Variants in PCDH9 observed in about 807,000 individuals in gnomAD.
PCDH9 encodes the protein protocadherin-9.
A neutral mutation model predicts 70.6 loss-of-function variants in PCDH9; 24 were observed. The ratio of observed to expected loss-of-function variants is 0.34; its 90% CI spans 0.25 to 0.48. The LOEUF is 0.48. Among genes scored for constraint, PCDH9 ranks in the 20% least tolerant of loss-of-function variants. The pLI is 0.99. For synonymous variants in PCDH9, 562 were observed against 558.5 expected, an observed-to-expected ratio of 1.01 and a Z score of -0.09; for missense variants, 1,281 against 1,503.6, an observed-to-expected ratio of 0.85 and a Z score of 2.45.
intron 2 of PCDH9, among the ~76,000 whole-genome samples, chr13:66,959,713 T>C (rs1030742910): frequency 6.7e-6 from 1 of 148,468 alleles, no homozygotes. Context: ...ATTGCATCAC[T>C]GCACTCCACC....
chr13:66,662,482 A>C (rs1459811559), intron 3 of PCDH9, among the ~76,000 whole-genome samples: 1 of 152,178 alleles, frequency 6.6e-6, no homozygotes, highest in Non-Finnish European at 1.5e-5. Context: ...TCAAAAAAAA[A>C]AAGAATGTCA....
intron 4 of PCDH9, among the ~76,000 whole-genome samples, chr13:66,456,158 A>G (rs1016900455): frequency 2.6e-5 from 4 of 152,188 alleles, no homozygotes; most frequent in African/African-American, 9.6e-5. Context: ...GCATTAGAAA[A>G]CAAAAGTTAA....
intron 3 of PCDH9, among the ~76,000 whole-genome samples, chr13:66,865,975 T>G (rs1048427034): frequency 7.2e-5 from 11 of 152,246 alleles, no homozygotes; most frequent in African/African-American, 2.7e-4. Context: ...ATTTTCATTT[T>G]TATTAAACTT....
intron 2 of PCDH9, 113 bp downstream of exon 2, chr13:67,225,291 CT>C (rs2089827813): frequency 1.5e-6 from 2 of 1,303,236 alleles, no homozygotes; most frequent in Non-Finnish European, 2.1e-6. Context: ...TTTTTTTTAC[CT>C]CTTTCTAACT....
rs759420554 is a variant in PCDH9, at chr13:67,226,525, C to T, written c.1916G>A (p.Ser639Asn). 2.5e-6 allele frequency: 4 copies of T among 1,614,100 alleles called. No homozygotes were observed. The highest frequency in any genetic ancestry group is 4.5e-5 in the East Asian group (2 of 44,876). The change falls in exon 2 of 5, where the codon AGT becomes AAT. Residue 639 changes from serine (S) to asparagine (N), a missense_variant. Physicochemically the swap from Ser to Asn is conservative, Grantham distance 46 (BLOSUM62 1). This residue lies in a region of PCDH9 where 798 missense variants were observed against 1,003.1 expected (regional missense o/e 0.80). Coordinates refer to ENST00000377865, the MANE Select transcript of PCDH9 (RefSeq NM_203487.3). This position sits in a 1 kb window ranked among gnomAD's most constrained non-coding sequence, Gnocchi z 5.0. ...SNVSFDREQQ[S>N]SYTFDVKATD... ...GGCTTTGACATCAAAAGTGTAGGAA[C>T]TCTGCTGCTCTCTATCAAATGAGAC...
chr13:66,550,743 C>T (rs564152095), intron 4 of PCDH9, among the ~76,000 whole-genome samples: 38 of 152,182 alleles, frequency 2.5e-4, no homozygotes, highest in Admixed American at 1.0e-3. Context: ...GCAGCTAAAC[C>T]CCCTCTTACC....
chr13:67,029,720 G>A (rs888575721), intron 2 of PCDH9, among the ~76,000 whole-genome samples: 4 of 152,032 alleles, frequency 2.6e-5, no homozygotes, highest in Admixed American at 6.6e-5. Flanking sequence ...AAATTCTGAC[G>A]AGAACATTTA....
intron 2 of PCDH9, among the ~76,000 whole-genome samples, chr13:67,074,215 T>C (rs1402949812): frequency 2.6e-5 from 4 of 151,958 alleles, no homozygotes; most frequent in Middle Eastern, 3.2e-3. Flanking sequence ...TATTAGGAGG[T>C]GGGGGTTTTT....
At chr13:66,623,114 T>A (rs1374207876) in intron 4 of PCDH9, among the ~76,000 whole-genome samples, 1 of 152,226 alleles carries the variant, frequency 6.6e-6, no homozygotes, top group Admixed American at 6.5e-5. Context: ...ACACGCCGCC[T>A]TTAAGAACTG....
chr13:66,931,696 C>A (rs1435337613), intron 2 of PCDH9, among the ~76,000 whole-genome samples: 1 of 152,066 alleles, frequency 6.6e-6, no homozygotes, highest in African/African-American at 2.4e-5. Flanking sequence ...ACAGGTTTAT[C>A]CGTAGGTTGC....
intron 3 of PCDH9, among the ~76,000 whole-genome samples, chr13:66,665,764 T>C (rs2078088256): frequency 6.6e-6 from 1 of 152,092 alleles, no homozygotes; most frequent in Admixed American, 6.6e-5. Context: ...ATTATTGAGT[T>C]TTTTTTAGAC....
At chr13:66,614,263 G>A (rs2077328807) in intron 4 of PCDH9, among the ~76,000 whole-genome samples, 1 of 152,154 alleles carries the variant, frequency 6.6e-6, no homozygotes. Context: ...AAAAGCTGAA[G>A]GTTCAAGTAA....
intron 4 of PCDH9, among the ~76,000 whole-genome samples, chr13:66,568,232 T>C (rs1167662959): frequency 6.6e-6 from 1 of 152,044 alleles, no homozygotes; most frequent in Non-Finnish European, 1.5e-5. Flanking sequence ...CATGTGCAAA[T>C]CAGGAAGAGG....
intron 2 of PCDH9, among the ~76,000 whole-genome samples, chr13:67,175,085 C>T (rs1435825088): frequency 6.6e-6 from 1 of 151,790 alleles, no homozygotes; most frequent in Non-Finnish European, 1.5e-5. Context: ...GCAGTGAATC[C>T]TAATCATGCC....
chr13:66,974,232 C>T (rs1339062606), intron 2 of PCDH9, among the ~76,000 whole-genome samples: 1 of 151,992 alleles, frequency 6.6e-6, no homozygotes, highest in Non-Finnish European at 1.5e-5. Context: ...ACAATGCATC[C>T]TCTCAACTAC....
intron 3 of PCDH9, among the ~76,000 whole-genome samples, chr13:66,829,643 G>T (rs1307567381): frequency 4.1e-5 from 6 of 146,040 alleles, no homozygotes; most frequent in African/African-American, 1.5e-4. Flanking sequence ...GCGTGAACCC[G>T]GGAGGCGGAG....
chr13:66,828,752 A>T (rs1298859921), intron 3 of PCDH9, among the ~76,000 whole-genome samples: 2 of 152,008 alleles, frequency 1.3e-5, no homozygotes, highest in Non-Finnish European at 2.9e-5. Flanking sequence ...TAACTTATTA[A>T]ACATAATTTG....
At chr13:67,187,002 G>GT (rs1301126240) in intron 2 of PCDH9, among the ~76,000 whole-genome samples, 1 of 152,128 alleles carries the variant, frequency 6.6e-6, no homozygotes, top group African/African-American at 2.4e-5. Flanking sequence ...TCATTGGTTT[G>GT]TTTCTTTCAA....
At chr13:66,427,257 G>C (rs1957687230) in intron 4 of PCDH9, among the ~76,000 whole-genome samples, 1 of 151,560 alleles carries the variant, frequency 6.6e-6, no homozygotes, top group Non-Finnish European at 1.5e-5. Context: ...CTACCATAAT[G>C]ATTAAATGTT....
Sources: allele counts gnomAD v4.1 joint callset (sites outside exome capture counted in the v4.1 genomes callset), GRCh38; gene constraint gnomAD v4.1.1; regional missense constraint gnomAD v4.1.1; non-coding constraint Gnocchi (gnomAD v3.1); transcripts MANE v1.5; gene names NCBI Gene and HGNC (gene_info 2026-07-23, HGNC 2026-07-21).